Variants in LMCD1 observed in about 807,000 individuals in gnomAD.
The protein encoded by LMCD1 is LIM and cysteine-rich domains protein 1.
LMCD1 carries 32 observed loss-of-function variants against 42.7 expected under a neutral mutation model. The ratio of observed to expected loss-of-function variants is 0.75; its 90% CI spans 0.57 to 1.01. LMCD1 has a LOEUF of 1.01. Among genes scored for constraint, LMCD1 ranks in the 50% least tolerant of loss-of-function variants. The probability of loss-of-function intolerance (pLI) is 0.00; values close to 1 mark genes in which losing one functional copy is unlikely to be tolerated. For missense variants in LMCD1, 458 were observed against 483.1 expected (o/e 0.95, Z 0.49); for synonymous variants, 178 against 184.9 (o/e 0.96, Z 0.30).
In LMCD1 at chr3:8,502,311, A is replaced by ATTATATATTTTATATAT. The variant is rs1559342079; in HGVS notation, c.42+331_42+332insTTATATATTTTATATAT. On this transcript the variant is annotated intron_variant, in intron 1 of 5. Transcript: ENST00000157600. The stretch of plus-strand genomic sequence containing the variant: ...ATAATATATATTATATATAATATAT[A>ATTATATATTTTATATAT]AAATATATATTATATATAATATATA... Among the ~76,000 whole-genome samples the ATTATATATTTTATATAT allele has an allele frequency of 3.2e-4, 9 of 28,094 alleles. 1 individual carries two copies. In the South Asian group the frequency reaches 3.7e-3, roughly 11 times the overall value. 18.4% of individuals were successfully genotyped at this position (28,094 alleles called of 152,430 possible).
intron 1 of LMCD1, among the ~76,000 whole-genome samples, chr3:8,508,872 G>C (rs1378975778): frequency 1.3e-5 from 2 of 152,148 alleles, no homozygotes; most frequent in African/African-American, 4.8e-5. Flanking sequence ...AAGTTCAGGT[G>C]GACATTTTGG....
rs1475786385 is a variant in LMCD1, at chr3:8,572,234, A to AT, written c.*4642dup. On this transcript the variant is annotated 3_prime_UTR_variant, in exon 6 of 6. Transcript: ENST00000157600. The stretch of plus-strand genomic sequence containing the variant: ...CCTCGAAATTAGATTCAGCTTATGC[A>AT]TTTTTTGGAAGGAATACCACAGAAG... 4 of 152,308 alleles carry AT rather than the reference A, an allele frequency of 2.6e-5. No individual in the cohort carries two copies. The East Asian group carries it at 7.7e-4, about 29-fold the overall frequency. 9.4% of individuals were successfully genotyped at this position (152,308 alleles called of 1,614,324 possible).
intron 2 of LMCD1, among the ~76,000 whole-genome samples, chr3:8,533,796 A>G (rs928755098): frequency 6.6e-6 from 1 of 152,106 alleles, no homozygotes; most frequent in Non-Finnish European, 1.5e-5. Flanking sequence ...TTGAACTCAG[A>G]TCTGCATGAA....
At chr3:8,549,957 G>A (rs1472900961) in intron 4 of LMCD1, 14 of 1,189,128 alleles carry the variant, frequency 1.2e-5, no homozygotes, top group South Asian at 1.3e-5. Context: ...GAGCCCTCAC[G>A]ACCCAATCAT....
At chr3:8,515,683 G>A (rs1189150235) in intron 1 of LMCD1, among the ~76,000 whole-genome samples, 1 of 152,158 alleles carries the variant, frequency 6.6e-6, no homozygotes, top group Non-Finnish European at 1.5e-5. Context: ...TCGGGAAATA[G>A]GAGACGGAAA....
chr3:8,512,485 A>G (rs1166356779), intron 1 of LMCD1, among the ~76,000 whole-genome samples: 1 of 152,244 alleles, frequency 6.6e-6, no homozygotes, highest in African/African-American at 2.4e-5. Flanking sequence ...TTATCTGAAA[A>G]ATAACATTAT....
At chr3:8,547,398 T>C (rs1694756628) in intron 3 of LMCD1, among the ~76,000 whole-genome samples, 1 of 152,236 alleles carries the variant, frequency 6.6e-6, no homozygotes, top group Admixed American at 6.5e-5. Flanking sequence ...GAAAGAAGAC[T>C]GGGTGCCCTT....
intron 3 of LMCD1, among the ~76,000 whole-genome samples, chr3:8,539,836 T>TATTATC (rs1694586893): frequency 6.8e-6 from 1 of 148,074 alleles, no homozygotes; most frequent in Non-Finnish European, 1.5e-5. Context: ...TTATTATTAT[T>TATTATC]ATTGTACTTT....
intron 4 of LMCD1, among the ~76,000 whole-genome samples, chr3:8,555,438 C>A (rs1232744527): frequency 1.3e-5 from 2 of 152,128 alleles, no homozygotes; most frequent in Non-Finnish European, 2.9e-5. Flanking sequence ...GGGTAAGAGG[C>A]CCAGAGACAA....
chr3:8,513,058 AT>A (rs1157957168), intron 1 of LMCD1, among the ~76,000 whole-genome samples: 2 of 152,150 alleles, frequency 1.3e-5, no homozygotes, highest in African/African-American at 4.8e-5. Flanking sequence ...AAGATGTCTA[AT>A]TTTTTTAACT....
chr3:8,519,662 G>A (rs1694161714), intron 1 of LMCD1, among the ~76,000 whole-genome samples: 1 of 151,692 alleles, frequency 6.6e-6, no homozygotes, highest in Non-Finnish European at 1.5e-5. Flanking sequence ...AGATCATTAT[G>A]CAGGGGGAAA....
In LMCD1 at chr3:8,537,330, A is replaced by C. The variant is rs749586099; in HGVS notation, c.277A>C (p.Ile93Leu). The C allele has an allele frequency of 2.7e-5, 44 of 1,614,018 alleles. No individual in the cohort carries two copies. Among genetic ancestry groups the C allele is most frequent in the Non-Finnish European group, 3.6e-5 (43 of 1,180,030 alleles). ...ARVKGGDGIRIYKRNRMIMTN... is the reference protein window; with the variant it reads ...ARVKGGDGIRLYKRNRMIMTN... ...GGTGAAAGGCGGGGACGGCATCCGGATTTACAAGAGGAACCGGATGATCAT... is the reference window on the plus strand; with the variant it reads ...GGTGAAAGGCGGGGACGGCATCCGGCTTTACAAGAGGAACCGGATGATCAT... Residue 93 changes from isoleucine to leucine, a missense_variant, in exon 3 of 6, where the codon ATT becomes CTT. Transcript: ENST00000157600.
At chr3:8,567,355 C>A in intron 5 of LMCD1, 85 bp from the exon 6 acceptor site, 1 of 1,366,310 alleles carries the variant, frequency 7.3e-7, no homozygotes, top group South Asian at 1.4e-5. Context: ...TGGGATGAAC[C>A]ACCACCCTAT....
chr3:8,518,068 G>T (rs1450156470), intron 1 of LMCD1, among the ~76,000 whole-genome samples: 1 of 151,944 alleles, frequency 6.6e-6, no homozygotes, highest in Non-Finnish European at 1.5e-5. Context: ...AAAAAACAAG[G>T]TTCAGAGAAC....
chr3:8,532,501 T>G (rs2125022399), intron 1 of LMCD1, among the ~76,000 whole-genome samples: 1 of 152,234 alleles, frequency 6.6e-6, no homozygotes, highest in South Asian at 2.1e-4. Flanking sequence ...AGAACCCCCA[T>G]TGCATTCTTA....
chr3:8,538,459 G>C (rs1341346105), intron 3 of LMCD1, among the ~76,000 whole-genome samples: 2 of 152,178 alleles, frequency 1.3e-5, no homozygotes, highest in Non-Finnish European at 2.9e-5. Context: ...GAAAAGGAGT[G>C]CCTTTGGAGC....
intron 3 of LMCD1, among the ~76,000 whole-genome samples, chr3:8,544,114 T>C (rs1055026312): frequency 6.6e-6 from 1 of 152,078 alleles, no homozygotes; most frequent in East Asian, 1.9e-4. Flanking sequence ...TCCTGAACTG[T>C]AACCTCGGGT....
chr3:8,521,617 T>G (rs1482821795), intron 1 of LMCD1, among the ~76,000 whole-genome samples: 1 of 152,222 alleles, frequency 6.6e-6, no homozygotes, highest in Non-Finnish European at 1.5e-5. Context: ...ATTTGAGTCT[T>G]ATCACCTCTT....
At chr3:8,564,926 A>G (rs929837993) in intron 4 of LMCD1, among the ~76,000 whole-genome samples, 5 of 152,250 alleles carry the variant, frequency 3.3e-5, no homozygotes, top group African/African-American at 9.6e-5. Context: ...ATCTTCTGCA[A>G]GTCATTGAAG....
Sources: gnomAD v4.1 joint callset for allele counts (sites outside exome capture counted in the v4.1 genomes callset) on GRCh38, gnomAD v4.1.1 for gene constraint, MANE v1.5 for transcripts, NCBI Gene and HGNC (gene_info 2026-07-23, HGNC 2026-07-21) for gene names.